Variants in GNB4 observed in about 807,000 individuals in gnomAD.
The protein encoded by GNB4 is G protein subunit beta 4.
GNB4 carries 28 observed loss-of-function variants against 45.2 expected under a neutral mutation model. The ratio of observed to expected loss-of-function variants is 0.62; its 90% CI spans 0.46 to 0.85. The LOEUF is 0.85. Among genes scored for constraint, GNB4 ranks in the 40% least tolerant of loss-of-function variants. The pLI is 0.00. For missense variants in GNB4, 321 were observed against 425.4 expected (o/e 0.75, Z 2.16); for synonymous variants, 132 against 143.7 (o/e 0.92, Z 0.58).
chr3:179,467,715 G>A, the GNB4 span, among the ~76,000 whole-genome samples: 2 of 152,138 alleles, frequency 1.3e-5, no homozygotes, highest in Admixed American at 6.5e-5. Flanking sequence ...AACATGGTTG[G>A]TGTTCACTGA....
chr3:179,521,673 T>G, the GNB4 span, among the ~76,000 whole-genome samples: 1 of 152,174 alleles, frequency 6.6e-6, no homozygotes, highest in African/African-American at 2.4e-5. Context: ...TAACTCCCTC[T>G]TAAAGTAAAT....
the GNB4 span, among the ~76,000 whole-genome samples, chr3:179,490,338 T>A: frequency 6.6e-6 from 1 of 152,160 alleles, no homozygotes; most frequent in Non-Finnish European, 1.5e-5. Flanking sequence ...GCTTCCTTCA[T>A]AGGATTTCAA....
the GNB4 span, among the ~76,000 whole-genome samples, chr3:179,508,491 G>C: frequency 5.9e-5 from 9 of 152,314 alleles, 1 homozygote; most frequent in South Asian, 1.9e-3. Flanking sequence ...TTACATTTGC[G>C]AAAAGAAACT....
At chr3:179,499,924 G>A in the GNB4 span, among the ~76,000 whole-genome samples, 1 of 152,140 alleles carries the variant, frequency 6.6e-6, no homozygotes, top group Non-Finnish European at 1.5e-5. Context: ...ATTTGATGGG[G>A]TTGTTTGTTT....
intron 8 of GNB4, among the ~76,000 whole-genome samples, chr3:179,408,598 C>A (rs993023891): frequency 6.6e-6 from 1 of 151,964 alleles, no homozygotes; most frequent in African/African-American, 2.4e-5. Context: ...CAAGACCAGC[C>A]TGGCCAATGT....
the GNB4 span, among the ~76,000 whole-genome samples, chr3:179,484,024 A>G: frequency 6.6e-6 from 1 of 152,154 alleles, no homozygotes; most frequent in African/African-American, 2.4e-5. Context: ...TTTTAGTTCA[A>G]CCTCCTCATT....
chr3:179,512,835 G>C, the GNB4 span, among the ~76,000 whole-genome samples: 1 of 152,132 alleles, frequency 6.6e-6, no homozygotes, highest in Non-Finnish European at 1.5e-5. Flanking sequence ...ATTCAGCTTT[G>C]CGTAGATAAT....
In GNB4 at chr3:179,399,043, A is replaced by T. The variant is rs1714205757; in HGVS notation, c.*2170T>A. 6.6e-6 allele frequency: 1 copy of T among 152,214 alleles called. No homozygotes were observed. Among genetic ancestry groups the T allele is most frequent in the Admixed American group, 6.5e-5 (1 of 15,280 alleles). 9.4% of individuals were successfully genotyped at this position (152,214 alleles called of 1,614,324 possible). On this transcript the variant is annotated 3_prime_UTR_variant, in exon 10 of 10. Transcript: ENST00000232564. ...ATATTTAAGGTTATTTTTATGCATA[A>T]TAGAATTGCTTTCTTCTGACTAACC...
chr3:179,481,176 T>C, the GNB4 span, among the ~76,000 whole-genome samples: 9 of 152,158 alleles, frequency 5.9e-5, no homozygotes, highest in Non-Finnish European at 1.0e-4. Context: ...ACTAAAGTTG[T>C]AGATCTTCTG....
chr3:179,399,730 G>A lies in GNB4; in HGVS notation c.*1483C>T, dbSNP rs1714229163. ...TAAAGTTTGGGAGTATTTAGGTTAA[G>A]TTACACATGTTCAAAAGTTAACACA... On this transcript the variant is annotated 3_prime_UTR_variant, in exon 10 of 10. Transcript: ENST00000232564. 6.6e-6 allele frequency: 1 copy of A among 152,148 alleles called. No homozygotes were observed. Among genetic ancestry groups the A allele is most frequent in the African/African-American group, 2.4e-5 (1 of 41,440 alleles). 9.4% of individuals were successfully genotyped at this position (152,148 alleles called of 1,614,324 possible).
intron 1 of GNB4, among the ~76,000 whole-genome samples, chr3:179,434,997 A>C (rs1420280940): frequency 1.3e-5 from 2 of 152,188 alleles, no homozygotes; most frequent in African/African-American, 4.8e-5. Context: ...GTATATTTAT[A>C]ATTTATCCAA....
chr3:179,451,453 A>C lies in GNB4; in HGVS notation c.-150T>G, dbSNP rs1472788196. The C allele has an allele frequency of 1.3e-5, 2 of 150,868 alleles. No homozygotes were observed. The highest frequency in any genetic ancestry group is 4.1e-4 in the South Asian group (2 of 4,824). The allele number at this position is 150,868 out of a possible 1,614,324, so 9.3% of individuals were successfully genotyped here. On this transcript the variant is annotated 5_prime_UTR_variant, in exon 1 of 10. Coordinates refer to ENST00000232564, the MANE Select transcript of GNB4 (RefSeq NM_021629.4). ...GTGGAGAGCGCAGCTCACAGCCGAG[A>C]CCAGAGCCGCCGGCCACACCCAGTC...
At chr3:179,417,013 T>G (rs965385690) in intron 4 of GNB4, among the ~76,000 whole-genome samples, 1 of 152,118 alleles carries the variant, frequency 6.6e-6, no homozygotes, top group Non-Finnish European at 1.5e-5. Flanking sequence ...GCCTCTACCA[T>G]CTGGTGAAGA....
At chr3:179,419,137 A>T (rs1435335332) in intron 4 of GNB4, among the ~76,000 whole-genome samples, 1 of 152,274 alleles carries the variant, frequency 6.6e-6, no homozygotes, top group Non-Finnish European at 1.5e-5. Flanking sequence ...TATTTAAAAA[A>T]CAAAGAATGT....
chr3:179,525,469 G>A, the GNB4 span, among the ~76,000 whole-genome samples: 178 of 152,206 alleles, frequency 1.2e-3, no homozygotes, highest in Middle Eastern at 6.8e-3. Flanking sequence ...ACACGGAGAA[G>A]GGGGTGGTGA....
Position 179,405,397 on chromosome 3 carries a change from T to C in GNB4, c.709A>G (p.Asn237Asp). ...SDINAVSFFP[N>D]GYAFATGSDD... is the part of the protein sequence containing the mutation. ...GAGCCAGTGGCGAAGGCATATCCAT[T>C]TGGGAAAAACTAGACAGGAAAGTAA... is the stretch of plus-strand genomic sequence containing the variant. Residue 237 changes from asparagine (N) to aspartate (D), a missense_variant, in exon 9 of 10, where the codon AAT becomes GAT. Asn to Asp is a conservative substitution (Grantham distance 23, BLOSUM62 1). Coordinates refer to ENST00000232564, the MANE Select transcript of GNB4 (RefSeq NM_021629.4). 1 of 1,608,902 alleles carries C rather than the reference T, an allele frequency of 6.2e-7. No homozygotes were observed. Among genetic ancestry groups the C allele is most frequent in the Non-Finnish European group, 8.5e-7 (1 of 1,176,576 alleles).
At chr3:179,476,936 G>A in the GNB4 span, among the ~76,000 whole-genome samples, 15 of 151,888 alleles carry the variant, frequency 9.9e-5, no homozygotes, top group Non-Finnish European at 1.9e-4. Flanking sequence ...TGCACCTTAA[G>A]TCTTTTCTAC....
the GNB4 span, among the ~76,000 whole-genome samples, chr3:179,463,501 T>C: frequency 1.3e-5 from 2 of 152,222 alleles, no homozygotes; most frequent in African/African-American, 4.8e-5. Context: ...CAAGTGCTTG[T>C]GTAATCTTCT....
At chr3:179,460,933 G>A in the GNB4 span, among the ~76,000 whole-genome samples, 6 of 152,182 alleles carry the variant, frequency 3.9e-5, no homozygotes, top group Non-Finnish European at 8.8e-5. Flanking sequence ...AGGAAATACA[G>A]ATGTTTAAAT....
Sources: gnomAD v4.1 joint callset for allele counts (sites outside exome capture counted in the v4.1 genomes callset) on GRCh38, gnomAD v4.1.1 for gene constraint, MANE v1.5 for transcripts, NCBI Gene and HGNC (gene_info 2026-07-23, HGNC 2026-07-21) for gene names.